The following IPCEF1 variants were observed in gnomAD, a reference collection of about 807,000 sequenced individuals.
IPCEF1 encodes the protein interactor protein for cytohesin exchange factors 1.
A neutral mutation model predicts 50.9 loss-of-function variants in IPCEF1; 31 were observed. The observed-to-expected ratio is 0.61, with a 90% CI of 0.46 to 0.82. The LOEUF is 0.82. IPCEF1 is among the 40% of genes least tolerant of loss of function. The pLI, the probability that IPCEF1 is intolerant of heterozygous loss-of-function variation, is 0.00. For synonymous variants in IPCEF1, 181 were observed against 192.0 expected (o/e 0.94, Z 0.47); for missense variants, 458 against 514.0 (o/e 0.89, Z 1.05).
chr6:154,217,428 A>G (rs1778494434), intron 7 of IPCEF1: 1 of 149,326 alleles, frequency 6.7e-6, no homozygotes, highest in Non-Finnish European at 1.5e-5. Flanking sequence ...AGGTGGCTGC[A>G]TGGAGAAAAA....
intron 1 of IPCEF1, among the ~76,000 whole-genome samples, chr6:154,326,405 A>G (rs1175215094): frequency 6.6e-5 from 10 of 152,188 alleles, no homozygotes; most frequent in Admixed American, 6.6e-4. Context: ...AAAAATCACT[A>G]GCATTCCTAT....
At chr6:154,270,686 G>T (rs1781879990) in intron 2 of IPCEF1, among the ~76,000 whole-genome samples, 1 of 152,120 alleles carries the variant, frequency 6.6e-6, no homozygotes, top group Admixed American at 6.5e-5. Context: ...ATTTAAATAT[G>T]TATTCTTGGC....
chr6:154,307,035 G>C (rs1406055), intron 1 of IPCEF1, among the ~76,000 whole-genome samples: 38,774 of 151,972 alleles, frequency 0.26, 5,281 homozygotes, highest in Non-Finnish European at 0.29. Context: ...GCCAGAGTCT[G>C]AGATCAAGGT....
intron 2 of IPCEF1, among the ~76,000 whole-genome samples, chr6:154,285,033 G>C (rs920102810): frequency 6.6e-6 from 1 of 152,086 alleles, no homozygotes; most frequent in African/African-American, 2.4e-5. Context: ...AGAGTTACTC[G>C]AGAGTTAATT....
At chr6:154,284,066 A>T (rs1782294356) in intron 2 of IPCEF1, among the ~76,000 whole-genome samples, 1 of 152,212 alleles carries the variant, frequency 6.6e-6, no homozygotes, top group African/African-American at 2.4e-5. Flanking sequence ...ATAGTTTCCT[A>T]TTCCTAGCTT....
Position 154,202,081 on chromosome 6 carries a change from T to C in IPCEF1, c.538-2041A>G, listed in dbSNP as rs144858526. Among the ~76,000 whole-genome samples the C allele has an allele frequency of 6.8e-3, 1,040 of 152,334 alleles. 2 individuals are homozygous for C. Among genetic ancestry groups the C allele is most frequent in the Non-Finnish European group, 0.012 (788 of 68,026 alleles). On this transcript the variant is annotated intron_variant, in intron 9 of 11. Transcript: ENST00000367220. ...TTTGTAGATTCTGAGCTCTGAGTTT[T>C]GATGGGAGAAGCCAATATTTACCTA...
intron 2 of IPCEF1, among the ~76,000 whole-genome samples, chr6:154,268,009 C>T (rs892256979): frequency 6.6e-6 from 1 of 152,236 alleles, no homozygotes; most frequent in Non-Finnish European, 1.5e-5. Flanking sequence ...CAAGTTCCCA[C>T]TCCAGTTGGT....
chr6:154,290,362 A>G (rs1308339594), intron 1 of IPCEF1, among the ~76,000 whole-genome samples: 1 of 152,202 alleles, frequency 6.6e-6, no homozygotes, highest in African/African-American at 2.4e-5. Context: ...GAGAGACAGA[A>G]ACCCCTGTAC....
chr6:154,159,741 T>C lies in IPCEF1; in HGVS notation c.*87A>G. On this transcript the variant is annotated 3_prime_UTR_variant, in exon 12 of 12. Coordinates refer to ENST00000367220, the MANE Select transcript of IPCEF1 (RefSeq NM_001130700.2). ...ATGCTTGAAGGACTGGGTTTCAGTT[T>C]TCCTTTTAAGGAAAAATGTAAGCTT... is the stretch of plus-strand genomic sequence containing the variant. The C allele has an allele frequency of 1.9e-6, 2 of 1,054,530 alleles. No homozygotes were observed. Among genetic ancestry groups the C allele is most frequent in the Non-Finnish European group, 2.8e-6 (2 of 710,784 alleles). The allele number at this position is 1,054,530 out of a possible 1,614,324, so 65.3% of individuals were successfully genotyped here. A position where few individuals can be genotyped will look rare whatever the true frequency, so the allele number is the denominator to read the frequency against.
chr6:154,183,091 T>C (rs1801038440), intron 10 of IPCEF1, among the ~76,000 whole-genome samples: 1 of 152,148 alleles, frequency 6.6e-6, no homozygotes, highest in Non-Finnish European at 1.5e-5. Flanking sequence ...GTGATTCTCC[T>C]GCCTCAGCTT....
chr6:154,333,658 ATGTGTATATG>A (rs1333902249), intron 1 of IPCEF1, among the ~76,000 whole-genome samples: 5 of 151,330 alleles, frequency 3.3e-5, no homozygotes, highest in African/African-American at 7.3e-5. Flanking sequence ...GTATACATAT[ATGTGTATATG>A]TGTGTATATG....
At chr6:154,317,125 G>A (rs945512618) in intron 1 of IPCEF1, among the ~76,000 whole-genome samples, 1 of 152,096 alleles carries the variant, frequency 6.6e-6, no homozygotes, top group African/African-American at 2.4e-5. Flanking sequence ...CACAAGTGAT[G>A]TTAATAGAAT....
intron 5 of IPCEF1, among the ~76,000 whole-genome samples, chr6:154,231,108 C>G (rs1441173408): frequency 1.3e-5 from 2 of 152,224 alleles, no homozygotes; most frequent in African/African-American, 4.8e-5. Flanking sequence ...CTGAGCTGAG[C>G]TGCCCATTCT....
At chr6:154,326,643 A>G (rs182153215) in intron 1 of IPCEF1, among the ~76,000 whole-genome samples, 19 of 152,234 alleles carry the variant, frequency 1.2e-4, no homozygotes. Flanking sequence ...TATTGCTCAA[A>G]GTAACTTATG....
chr6:154,205,926 C>T (rs1777456789), intron 9 of IPCEF1, among the ~76,000 whole-genome samples: 1 of 152,012 alleles, frequency 6.6e-6, no homozygotes. Flanking sequence ...CACCCAGATC[C>T]CCTTTACCTG....
rs1453961560 is a variant in IPCEF1, at chr6:154,156,041, C to T, written c.*3787G>A. 6.6e-6 allele frequency: 1 copy of T among 152,144 alleles called. No homozygotes were observed. The highest frequency in any genetic ancestry group is 1.5e-5 in the Non-Finnish European group (1 of 68,040). 9.4% of individuals were successfully genotyped at this position (152,144 alleles called of 1,614,324 possible). On this transcript the variant is annotated 3_prime_UTR_variant, in exon 12 of 12. Coordinates refer to ENST00000367220, the MANE Select transcript of IPCEF1 (RefSeq NM_001130700.2). ...GGTCTCTAACATTTGACAGCACATGCCTCAAAAAGCAAACAAAATAAACAC... is the reference window on the plus strand; with the variant it reads ...GGTCTCTAACATTTGACAGCACATGTCTCAAAAAGCAAACAAAATAAACAC...
At chr6:154,280,646 G>A (rs2128663598) in intron 2 of IPCEF1, among the ~76,000 whole-genome samples, 1 of 152,276 alleles carries the variant, frequency 6.6e-6, no homozygotes, top group South Asian at 2.1e-4. Context: ...TTAGGGAAGT[G>A]TACTTGGGTC....
intron 1 of IPCEF1, among the ~76,000 whole-genome samples, chr6:154,291,680 G>GTTTTTTT (rs34064925): frequency 9.6e-5 from 10 of 104,476 alleles, no homozygotes; most frequent in East Asian, 3.4e-4. Flanking sequence ...CTCAGGAAAG[G>GTTTTTTT]TTTTTTTTTT....
At chr6:154,266,442 A>G (rs541123021) in intron 2 of IPCEF1, among the ~76,000 whole-genome samples, 1 of 151,922 alleles carries the variant, frequency 6.6e-6, no homozygotes, top group East Asian at 1.9e-4. Context: ...TCAGAACTCA[A>G]TAAGCCAACT....
Sources: gnomAD v4.1 joint callset for allele counts (sites outside exome capture counted in the v4.1 genomes callset) on GRCh38, gnomAD v4.1.1 for gene constraint, MANE v1.5 for transcripts, NCBI Gene and HGNC (gene_info 2026-07-23, HGNC 2026-07-21) for gene names.